The following KLHL2 variants were observed in gnomAD, a reference collection of about 807,000 sequenced individuals.
KLHL2 encodes the protein kelch-like protein 2.
KLHL2 carries 15 observed loss-of-function variants against 75.8 expected under a neutral mutation model. The ratio of observed to expected loss-of-function variants is 0.20; its 90% CI spans 0.13 to 0.30. The LOEUF (loss-of-function observed/expected upper bound fraction) is 0.30. Ranked by LOEUF, KLHL2 falls within the 10% of genes least tolerant of loss-of-function variation. The pLI is 1.00. For missense variants in KLHL2, 381 were observed against 741.0 expected, an observed-to-expected ratio of 0.51 and a Z score of 5.64; for synonymous variants, 214 against 251.9, an observed-to-expected ratio of 0.85 and a Z score of 1.42.
At chr4:165,275,286 C>A (rs9684413) in intron 5 of KLHL2, among the ~76,000 whole-genome samples, 1,912 of 152,084 alleles carry the variant, frequency 0.013, 47 homozygotes, top group African/African-American at 0.043. Context: ...TATATTTTAA[C>A]CATTTCTCAA....
At chr4:165,314,502 T>C (rs1384214112) in intron 13 of KLHL2, among the ~76,000 whole-genome samples, 1 of 152,164 alleles carries the variant, frequency 6.6e-6, no homozygotes, top group Non-Finnish European at 1.5e-5. Flanking sequence ...ACAACAGATA[T>C]AATTTAGTGC....
chr4:165,268,507 A>C (rs1742422989), intron 5 of KLHL2, among the ~76,000 whole-genome samples: 1 of 152,068 alleles, frequency 6.6e-6, no homozygotes, highest in Admixed American at 6.6e-5. Flanking sequence ...ATTCTGGTAC[A>C]TTCTGTCTTC....
At chr4:165,311,098 C>T (rs1746148155) in intron 10 of KLHL2, among the ~76,000 whole-genome samples, 1 of 151,952 alleles carries the variant, frequency 6.6e-6, no homozygotes, top group Non-Finnish European at 1.5e-5. Flanking sequence ...ACTTTGTGAT[C>T]CGCCCACCTC....
intron 13 of KLHL2, among the ~76,000 whole-genome samples, chr4:165,314,980 A>G (rs1231895753): frequency 6.6e-6 from 1 of 152,140 alleles, no homozygotes; most frequent in Non-Finnish European, 1.5e-5. Flanking sequence ...GATTACTAAG[A>G]GAGACTAAGT....
rs916607514 is a variant in KLHL2, at chr4:165,319,608, G to C, written c.1753+1639G>C. ...CTTTTTATCTTGTGTTGAACATGCA[G>C]CTTTTATGTGGGTGCAGGATTTTTG... is the stretch of plus-strand genomic sequence containing the variant. On this transcript the variant is annotated intron_variant, in intron 14 of 14. Transcript: ENST00000226725. This position sits in a 1 kb window ranked among gnomAD's most constrained non-coding sequence, Gnocchi z 4.5. 6.6e-6 allele frequency among the ~76,000 whole-genome samples: 1 copy of C among 152,040 alleles called. No homozygotes were observed. Among genetic ancestry groups the C allele is most frequent in the African/African-American group, 2.4e-5 (1 of 41,406 alleles).
chr4:165,252,696 C>T (rs962704911), intron 4 of KLHL2: 1 of 152,160 alleles, frequency 6.6e-6, no homozygotes, highest in Middle Eastern at 3.2e-3. Context: ...GACATGGATG[C>T]ACAAGCTACT....
intron 9 of KLHL2, among the ~76,000 whole-genome samples, chr4:165,308,360 T>C (rs2126552259): frequency 6.6e-6 from 1 of 152,344 alleles, no homozygotes; most frequent in Middle Eastern, 3.4e-3. Context: ...AATGTATTCT[T>C]TACTTATTGG....
chr4:165,208,672 T>C (rs1737006509), intron 1 of KLHL2: 2 of 152,326 alleles, frequency 1.3e-5, no homozygotes, highest in Admixed American at 6.5e-5. Flanking sequence ...TTTTAGTTTT[T>C]AGTTTTAAAA....
At chr4:165,253,006 C>T (rs2111177436) in intron 4 of KLHL2, among the ~76,000 whole-genome samples, 2 of 152,294 alleles carry the variant, frequency 1.3e-5, no homozygotes, top group African/African-American at 4.8e-5. Flanking sequence ...TGGCATATAA[C>T]ACATGCACAT....
intron 5 of KLHL2, among the ~76,000 whole-genome samples, chr4:165,267,626 G>A (rs199848830): frequency 6.6e-6 from 1 of 152,022 alleles, no homozygotes; most frequent in East Asian, 1.9e-4. Context: ...ATATATTTGC[G>A]TGCATTGAAC....
intron 8 of KLHL2, among the ~76,000 whole-genome samples, chr4:165,300,134 C>A (rs1048589417): frequency 6.6e-6 from 1 of 151,734 alleles, no homozygotes; most frequent in Non-Finnish European, 1.5e-5. Context: ...ACTAAAAATA[C>A]AAAAATTAGC....
At position 165,322,187 on chromosome 4, in the gene KLHL2, C is replaced by T. The variant is rs1285556917; in HGVS notation, c.*127C>T. 21 of 917,544 alleles carry T rather than the reference C, an allele frequency of 2.3e-5. No individual in the cohort carries two copies. The highest frequency in any genetic ancestry group is 3.0e-5 in the Non-Finnish European group (17 of 565,170). The allele number at this position is 917,544 out of a possible 1,614,324, so 56.8% of individuals were successfully genotyped here. On this transcript the variant is annotated 3_prime_UTR_variant, in exon 15 of 15. Transcript: ENST00000226725. ...TTTAAGTCTCAGCAGAAGATACGAT[C>T]GTCTGCCTTTATAGGCCTCAGATAC...
At chr4:165,290,202 G>A (rs777036786) in intron 5 of KLHL2, among the ~76,000 whole-genome samples, 2 of 151,776 alleles carry the variant, frequency 1.3e-5, no homozygotes, top group African/African-American at 2.4e-5. Context: ...GAGTATAGTG[G>A]CACGATCATG....
At chr4:165,255,740 C>G (rs1157789123) in intron 4 of KLHL2, among the ~76,000 whole-genome samples, 1 of 152,134 alleles carries the variant, frequency 6.6e-6, no homozygotes, top group Non-Finnish European at 1.5e-5. Context: ...ATCACCCTTG[C>G]CTACCTTCTC....
At chr4:165,300,235 C>G (rs1359643185) in intron 8 of KLHL2, among the ~76,000 whole-genome samples, 1 of 151,052 alleles carries the variant, frequency 6.6e-6, no homozygotes, top group East Asian at 1.9e-4. Flanking sequence ...TTGCAGTGAG[C>G]TGAGTGGAGT....
At position 165,264,605 on chromosome 4, in the gene KLHL2, T is replaced by TATAC. The variant is rs757273597; in HGVS notation, c.544+1247_544+1248insTACA. On this transcript the variant is annotated intron_variant, in intron 5 of 14. Transcript: ENST00000226725. ...TCCATCATATATATATATATATATA[T>TATAC]ACACACACACACGTACGTATATACA... 3.5e-3 allele frequency among the ~76,000 whole-genome samples: 440 copies of TATAC among 124,106 alleles called. 5 individuals are homozygous for TATAC. The highest frequency in any genetic ancestry group is 8.7e-3 in the African/African-American group (281 of 32,310). The allele number at this position is 124,106 out of a possible 152,430, so 81.4% of individuals were successfully genotyped here.
chr4:165,263,954 C>T (rs577865392), intron 5 of KLHL2, among the ~76,000 whole-genome samples: 2 of 151,740 alleles, frequency 1.3e-5, no homozygotes, highest in Non-Finnish European at 2.9e-5. Flanking sequence ...GTTCCATGGC[C>T]TACTGCTACT....
chr4:165,218,905 T>C (rs1283395861), intron 1 of KLHL2, among the ~76,000 whole-genome samples: 1 of 152,236 alleles, frequency 6.6e-6, no homozygotes, highest in Non-Finnish European at 1.5e-5. Flanking sequence ...ATTGGTGCCC[T>C]GATTTTTTAT....
At chr4:165,233,787 GA>G (rs1739104752) in intron 3 of KLHL2, among the ~76,000 whole-genome samples, 1 of 152,124 alleles carries the variant, frequency 6.6e-6, no homozygotes, top group Non-Finnish European at 1.5e-5. Flanking sequence ...TGATGGCTCT[GA>G]AAAAAATTAA....
Sources: allele counts gnomAD v4.1 joint callset (sites outside exome capture counted in the v4.1 genomes callset), GRCh38; gene constraint gnomAD v4.1.1; non-coding constraint Gnocchi (gnomAD v3.1); transcripts MANE v1.5; gene names NCBI Gene and HGNC (gene_info 2026-07-23, HGNC 2026-07-21).